The following ARHGAP17 variants were observed in gnomAD, a reference collection of about 807,000 sequenced individuals.
ARHGAP17 encodes the protein Rho GTPase activating protein 17, also known as rho GTPase-activating protein 17.
Under a neutral mutation model 99.5 loss-of-function variants are expected in ARHGAP17, and 57 were observed. That is an observed-to-expected ratio of 0.57 (90% CI 0.46 to 0.71). The LOEUF is 0.71. Ranked by LOEUF, ARHGAP17 falls within the 30% of genes least tolerant of loss-of-function variation. The pLI is 0.00. For missense variants in ARHGAP17, 1,000 were observed against 1,122.4 expected, an observed-to-expected ratio of 0.89 and a Z score of 1.56; for synonymous variants, 417 against 429.6, an observed-to-expected ratio of 0.97 and a Z score of 0.36.
chr16:24,973,857 G>A (rs977546199), intron 3 of ARHGAP17, among the ~76,000 whole-genome samples: 2 of 152,198 alleles, frequency 1.3e-5, no homozygotes, highest in African/African-American at 2.4e-5. Context: ...CTTGGACTGC[G>A]TCTCAAGGAA....
At chr16:24,998,704 G>A (rs905134340) in intron 1 of ARHGAP17, among the ~76,000 whole-genome samples, 4 of 152,208 alleles carry the variant, frequency 2.6e-5, no homozygotes, top group Non-Finnish European at 5.9e-5. Flanking sequence ...CACACTGCAC[G>A]ACTGCAGGGT....
At position 24,935,650 on chromosome 16, in the gene ARHGAP17, T is replaced by C; in HGVS notation, c.1725-11A>G. ...TTCGGTTTGGGAGGACTAAGAGGAG[T>C]AAAAGTCAAGTTAGACGTCAGACAA... On this transcript the variant is annotated splice_polypyrimidine_tract_variant and intron_variant, in intron 17 of 19. Transcript: ENST00000289968. 1 of 1,613,236 alleles carries C rather than the reference T, an allele frequency of 6.2e-7. No individual in the cohort carries two copies. Among genetic ancestry groups the C allele is most frequent in the South Asian group, 1.1e-5 (1 of 91,058 alleles).
chr16:24,976,190 T>C (rs1248439947), intron 3 of ARHGAP17, among the ~76,000 whole-genome samples: 6 of 152,208 alleles, frequency 3.9e-5, no homozygotes. Context: ...GCGCTTTCAA[T>C]CTGCCAAGAG....
rs779675844 is a variant in ARHGAP17 at position 24,931,100 on chromosome 16, C to G, written c.2199G>C (p.Gln733His). ...TPLMHTKPNS[Q>H]GPPNPMALPS... ...GCAATGCCATGGGGTTGGGAGGGCCCTGGCTATTGGGTTTGGTGTGCATCA... is the reference window on the plus strand; with the variant it reads ...GCAATGCCATGGGGTTGGGAGGGCCGTGGCTATTGGGTTTGGTGTGCATCA... The change falls in exon 19 of 20, where the codon CAG becomes CAC. Residue 733 changes from glutamine (Q) to histidine (H), a missense_variant. Physicochemically the swap from Gln to His is conservative, Grantham distance 24 (BLOSUM62 0). Coordinates refer to ENST00000289968, the MANE Select transcript of ARHGAP17 (RefSeq NM_001006634.3). The G allele has an allele frequency of 6.7e-5, 108 of 1,606,158 alleles. No individual in the cohort carries two copies. Among genetic ancestry groups the G allele is most frequent in the Non-Finnish European group, 8.2e-5 (97 of 1,176,406 alleles).
At chr16:24,997,680 G>A (rs554305475) in intron 1 of ARHGAP17, among the ~76,000 whole-genome samples, 2 of 152,256 alleles carry the variant, frequency 1.3e-5, no homozygotes, top group African/African-American at 2.4e-5. Context: ...AACAGGACTC[G>A]GTGACTTGGG....
At chr16:24,973,774 T>C (rs1428979095) in intron 3 of ARHGAP17, among the ~76,000 whole-genome samples, 2 of 152,376 alleles carry the variant, frequency 1.3e-5, no homozygotes, top group Admixed American at 1.3e-4. Context: ...AACTTACATT[T>C]CATTCATTTT....
chr16:25,006,860 G>C (rs1456649014), intron 1 of ARHGAP17, among the ~76,000 whole-genome samples: 4 of 152,208 alleles, frequency 2.6e-5, no homozygotes, highest in African/African-American at 9.6e-5. Flanking sequence ...TTTTTCAAGA[G>C]AGAGATGATA....
chr16:24,949,699 G>C (rs933068015), intron 12 of ARHGAP17, among the ~76,000 whole-genome samples: 13 of 152,208 alleles, frequency 8.5e-5, no homozygotes, highest in Non-Finnish European at 1.5e-4. Flanking sequence ...GCAAAACAGG[G>C]TAAGTGTTGA....
chr16:25,009,140 T>C (rs1246146934), intron 1 of ARHGAP17, among the ~76,000 whole-genome samples: 1 of 151,894 alleles, frequency 6.6e-6, no homozygotes, highest in Non-Finnish European at 1.5e-5. Context: ...CCAAGGTGGG[T>C]GGATCACCTG....
At chr16:24,946,035 G>T (rs570303133) in intron 14 of ARHGAP17, among the ~76,000 whole-genome samples, 10 of 152,036 alleles carry the variant, frequency 6.6e-5, no homozygotes, top group Non-Finnish European at 1.2e-4. Flanking sequence ...TATTCAAAAG[G>T]TTACTTCTGA....
chr16:24,935,576 C>A lies in ARHGAP17; in HGVS notation c.1788G>T (p.Gln596His). The A allele has an allele frequency of 6.2e-7, 1 of 1,614,172 alleles. No homozygotes were observed. Among genetic ancestry groups the A allele is most frequent in the Non-Finnish European group, 8.5e-7 (1 of 1,180,048 alleles). ...AVPAPGRNNSQIASGQNQPQA... is the reference protein window; with the variant it reads ...AVPAPGRNNSHIASGQNQPQA... ...GGGGCTGATTTTGGCCAGATGCTAT[C>A]TGACTGTTGTTTCTCCCTGGTGCTG... Residue 596 changes from glutamine to histidine, a missense_variant, in exon 18 of 20, where the codon CAG becomes CAT. Coordinates refer to ENST00000289968, the MANE Select transcript of ARHGAP17 (RefSeq NM_001006634.3).
chr16:24,941,955 T>C (rs1411718627), intron 16 of ARHGAP17, 32 bp downstream of exon 16: 5 of 1,613,614 alleles, frequency 3.1e-6, no homozygotes, highest in Non-Finnish European at 4.2e-6. Flanking sequence ...ACATATTTAC[T>C]GCTGGTTTGG....
chr16:24,943,973 G>A, intron 14 of ARHGAP17, 111 bp from the exon 15 acceptor site: 1 of 1,045,604 alleles, frequency 9.6e-7, no homozygotes, highest in African/African-American at 1.6e-5. Context: ...TTTAAAAGAT[G>A]CAAAAATCAA....
At chr16:24,952,475 G>T in intron 11 of ARHGAP17, 105 bp from the exon 12 acceptor site, 1 of 807,780 alleles carries the variant, frequency 1.2e-6, no homozygotes, top group Non-Finnish European at 2.0e-6. Flanking sequence ...GATCTTCCAA[G>T]GTGTACATAA....
chr16:25,010,749 T>C (rs2053622753), intron 1 of ARHGAP17, among the ~76,000 whole-genome samples: 1 of 152,234 alleles, frequency 6.6e-6, no homozygotes, highest in African/African-American at 2.4e-5. Flanking sequence ...CCACAGGTGG[T>C]CCACACTGGG....
At chr16:24,967,029 T>A (rs2052209783) in intron 6 of ARHGAP17, among the ~76,000 whole-genome samples, 1 of 152,202 alleles carries the variant, frequency 6.6e-6, no homozygotes, top group African/African-American at 2.4e-5. Context: ...CTAATTGATA[T>A]CAGTTGAAAA....
At chr16:24,998,556 T>C (rs2053267570) in intron 1 of ARHGAP17, among the ~76,000 whole-genome samples, 1 of 151,636 alleles carries the variant, frequency 6.6e-6, no homozygotes. Flanking sequence ...GTGTCTGGGG[T>C]AGGGTGAAGT....
chr16:24,943,790 G>A lies in ARHGAP17; in HGVS notation c.1314C>T (p.Ala438=), dbSNP rs367758398. The change falls in exon 15 of 20, where the codon GCC becomes GCT. Residue 438 remains alanine (A), a synonymous_variant. Transcript: ENST00000289968. ...AATTACCTTCAGGGAAGAACCAGTC[G>A]GCATGCTGAATGATGGGTTCAATCA... is the stretch of plus-strand genomic sequence containing the variant. ...VAVIEPIIQH[A]DWFFPEEVEF... 1.4e-5 allele frequency: 23 copies of A among 1,613,962 alleles called. No individual in the cohort carries two copies. Among genetic ancestry groups the A allele is most frequent in the African/African-American group, 4.0e-5 (3 of 74,898 alleles).
intron 19 of ARHGAP17, chr16:24,929,693 G>C: frequency 1.0e-6 from 1 of 983,640 alleles, no homozygotes; most frequent in Non-Finnish European, 1.2e-6. Flanking sequence ...AACCAACATG[G>C]CTTTGTTGTT....
Sources: gnomAD v4.1 joint callset for allele counts (sites outside exome capture counted in the v4.1 genomes callset) on GRCh38, gnomAD v4.1.1 for gene constraint, MANE v1.5 for transcripts, NCBI Gene and HGNC (gene_info 2026-07-23, HGNC 2026-07-21) for gene names.